MICAL2: variants seen among roughly 807,000 people sequenced by gnomAD.
The protein encoded by MICAL2 is [F-actin]-monooxygenase MICAL2.
In MICAL2, 77 loss-of-function variants were observed where a neutral mutation model predicts 127.3. The observed-to-expected ratio is 0.60, with a 90% CI of 0.50 to 0.73. The LOEUF is 0.73. MICAL2 is among the 30% of genes least tolerant of loss of function. The pLI is 0.00. For missense variants in MICAL2, 1,351 were observed against 1,434.4 expected (o/e 0.94, Z 0.94); for synonymous variants, 570 against 551.1 (o/e 1.03, Z -0.48).
intron 15 of MICAL2, among the ~76,000 whole-genome samples, chr11:12,235,722 T>C (rs1408228391): frequency 2.6e-5 from 4 of 152,182 alleles, no homozygotes; most frequent in Non-Finnish European, 5.9e-5. Context: ...AGAGGCTCCC[T>C]GGGTGCAGAG....
intron 2 of MICAL2, among the ~76,000 whole-genome samples, chr11:12,139,745 A>G (rs1433824426): frequency 6.6e-6 from 1 of 152,198 alleles, no homozygotes; most frequent in Non-Finnish European, 1.5e-5. Context: ...AACAGAATAC[A>G]GAGTTTGTCC....
intron 1 of MICAL2, among the ~76,000 whole-genome samples, chr11:12,136,866 A>G (rs961354727): frequency 1.3e-5 from 2 of 152,046 alleles, no homozygotes; most frequent in Admixed American, 6.5e-5. Flanking sequence ...AACCTTAAAG[A>G]GCCCCGTGTC....
upstream of MICAL2, among the ~76,000 whole-genome samples, chr11:12,271,279 C>T (rs1863672899): frequency 6.6e-6 from 1 of 152,206 alleles, no homozygotes; most frequent in Non-Finnish European, 1.5e-5. Context: ...CATCCTCCAG[C>T]CCCCATTAGA....
intron 1 of MICAL2, among the ~76,000 whole-genome samples, chr11:12,277,628 T>C (rs1187330523): frequency 6.6e-6 from 1 of 152,042 alleles, no homozygotes; most frequent in African/African-American, 2.4e-5. Context: ...GTGCGGCAGG[T>C]ACACCCTGAG....
intron 32 of MICAL2, among the ~76,000 whole-genome samples, chr11:12,338,490 T>G (rs1286577213): frequency 6.6e-6 from 1 of 152,248 alleles, no homozygotes; most frequent in Non-Finnish European, 1.5e-5. Context: ...AATTTGATCC[T>G]GTCATTATGA....
At chr11:12,261,029 G>T in intron 26 of MICAL2, 1 of 985,552 alleles carries the variant, frequency 1.0e-6, no homozygotes, top group Non-Finnish European at 1.2e-6. Flanking sequence ...GCTCCCAGCG[G>T]ATCCCCCAGC....
intron 29 of MICAL2, chr11:12,303,468 AT>A (rs1864072693): frequency 6.6e-6 from 1 of 152,244 alleles, no homozygotes; most frequent in Non-Finnish European, 1.5e-5. Flanking sequence ...ACACAACTTT[AT>A]TTGATAGGGT....
intron 32 of MICAL2, among the ~76,000 whole-genome samples, chr11:12,344,439 C>T (rs1366316523): frequency 2.0e-5 from 3 of 150,266 alleles, no homozygotes; most frequent in African/African-American, 7.3e-5. Context: ...GGAAAAGAAG[C>T]ATGAATTATG....
chr11:12,184,011 C>T (rs1857833980), intron 3 of MICAL2, among the ~76,000 whole-genome samples: 1 of 152,142 alleles, frequency 6.6e-6, no homozygotes, highest in Non-Finnish European at 1.5e-5. Flanking sequence ...AACTCCTGAG[C>T]TCAAGTGATC....
At chr11:12,144,208 C>G (rs1852648793) in intron 2 of MICAL2, among the ~76,000 whole-genome samples, 2 of 152,112 alleles carry the variant, frequency 1.3e-5, no homozygotes, top group East Asian at 3.8e-4. Flanking sequence ...AGAAAAAAAT[C>G]TTTTTTGGAA....
rs917320715 is a variant in MICAL2, at chr11:12,179,373, C to T, written c.264+16954C>T. Among the ~76,000 whole-genome samples, 7 of 152,124 alleles carry T rather than the reference C, an allele frequency of 4.6e-5. No individual in the cohort carries two copies. The South Asian group carries it at 8.3e-4, about 18-fold the overall frequency. Reference sequence around the variant, plus strand: ...TCCAGCAGCCTCCACCTCCTCGTACCTCTCACCTTCTCCCCAGCAGCCCAG... The same window carrying T: ...TCCAGCAGCCTCCACCTCCTCGTACTTCTCACCTTCTCCCCAGCAGCCCAG... On this transcript the variant is annotated intron_variant, in intron 3 of 27. Coordinates refer to ENST00000683283, the MANE Select transcript of MICAL2 (RefSeq NM_001282663.2).
In MICAL2 at chr11:12,263,573, T is replaced by C. The variant is rs1251117870; in HGVS notation, c.*31T>C. ...CTTCTCTTACAGAGTCTCCCTCCCT[T>C]TATAGAATGTCAACCAAAGAGTGCC... On this transcript the variant is annotated 3_prime_UTR_variant, in exon 28 of 28. Transcript: ENST00000683283. 1 of 152,608 alleles carries C rather than the reference T, an allele frequency of 6.6e-6. No individual in the cohort carries two copies. 9.5% of individuals were successfully genotyped at this position (152,608 alleles called of 1,614,324 possible). A position where few individuals can be genotyped will look rare whatever the true frequency, so the allele number is the denominator to read the frequency against.
intron 32 of MICAL2, among the ~76,000 whole-genome samples, chr11:12,329,698 G>A (rs770239585): frequency 4.6e-5 from 7 of 152,086 alleles, no homozygotes. Flanking sequence ...TGCCTAGGTT[G>A]TAGGCATTTA....
Position 12,346,527 on chromosome 11 carries a change from A to G in MICAL2, c.5516-3311A>G, listed in dbSNP as rs867972691. Among the ~76,000 whole-genome samples, 12 of 152,272 alleles carry G rather than the reference A, an allele frequency of 7.9e-5. 1 individual carries two copies. In the Middle Eastern group the frequency reaches 0.01, roughly 129 times the overall value. On this transcript the variant is annotated intron_variant, in intron 32 of 34. Coordinates refer to the MICAL2 transcript ENST00000646065. ...CGTACATACTTCATTCTTTCATCCA[A>G]TAACAAATGTCCGTGAATGCCTTGT... is the stretch of plus-strand genomic sequence containing the variant.
intron 17 of MICAL2, 30 bp downstream of exon 17, chr11:12,239,615 A>G (rs2134452075): frequency 6.2e-7 from 1 of 1,605,798 alleles, no homozygotes; most frequent in Non-Finnish European, 8.5e-7. Flanking sequence ...CACTGGACCT[A>G]ACTTCCTGGT....
upstream of MICAL2, among the ~76,000 whole-genome samples, chr11:12,275,143 C>T (rs111417426): frequency 1.8e-4 from 28 of 152,256 alleles, no homozygotes; most frequent in African/African-American, 6.7e-4. Context: ...GCTGGAGCAA[C>T]AGGAAGCTGA....
chr11:12,213,489 C>T (rs1159375176), intron 7 of MICAL2, 79 bp downstream of exon 7: 25 of 1,436,168 alleles, frequency 1.7e-5, no homozygotes, highest in Non-Finnish European at 3.8e-6. Flanking sequence ...CGTGTGCTGG[C>T]TTTCTGGGCT....
chr11:12,293,931 G>A (rs762019148), downstream of MICAL2: 3 of 1,613,146 alleles, frequency 1.9e-6, no homozygotes, highest in Middle Eastern at 1.7e-4. Flanking sequence ...GAAGAAGAGG[G>A]AGGGCCAGTG....
chr11:12,290,991 T>G (rs1863890792), downstream of MICAL2, among the ~76,000 whole-genome samples: 1 of 152,128 alleles, frequency 6.6e-6, no homozygotes, highest in African/African-American at 2.4e-5. Flanking sequence ...GGGATTGTGT[T>G]GCGCTAAGAA....
Sources: gnomAD v4.1 joint callset for allele counts (sites outside exome capture counted in the v4.1 genomes callset) on GRCh38, gnomAD v4.1.1 for gene constraint, MANE v1.5 for transcripts, NCBI Gene and HGNC (gene_info 2026-07-23, HGNC 2026-07-21) for gene names.